Variants in SYNPO observed in about 807,000 individuals in gnomAD.
SYNPO encodes synaptopodin.
SYNPO carries 19 observed loss-of-function variants against 49.5 expected under a neutral mutation model. The ratio of observed to expected loss-of-function variants is 0.38; its 90% CI spans 0.27 to 0.56. The LOEUF (loss-of-function observed/expected upper bound fraction) is 0.56. SYNPO is among the 20% of genes least tolerant of loss of function. The probability of loss-of-function intolerance (pLI) is 0.68; values close to 1 mark genes in which losing one functional copy is unlikely to be tolerated. For missense variants in SYNPO, 1,131 were observed against 1,248.3 expected, an observed-to-expected ratio of 0.91 and a Z score of 1.42; for synonymous variants, 536 against 548.0, an observed-to-expected ratio of 0.98 and a Z score of 0.31.
chr5:150,621,372 A>T (rs1208252803), intron 2 of SYNPO, among the ~76,000 whole-genome samples: 1 of 152,166 alleles, frequency 6.6e-6, no homozygotes, highest in African/African-American at 2.4e-5. Flanking sequence ...GACTTCTTGG[A>T]GATGGAGGCA....
At chr5:150,603,276 C>T (rs1003935866) in intron 1 of SYNPO, among the ~76,000 whole-genome samples, 1 of 152,236 alleles carries the variant, frequency 6.6e-6, no homozygotes, top group African/African-American at 2.4e-5. Flanking sequence ...CCTTTCCTGC[C>T]ATTCAGCTCT....
At chr5:150,610,309 C>A (rs775970458) in intron 1 of SYNPO, among the ~76,000 whole-genome samples, 7 of 152,210 alleles carry the variant, frequency 4.6e-5, no homozygotes, top group Admixed American at 1.3e-4. Context: ...AGAGCCAGAA[C>A]AAAGGACTCT....
At position 150,649,485 on chromosome 5, in the gene SYNPO, G is replaced by A. The variant is rs746844162; in HGVS notation, c.1210G>A (p.Glu404Lys). 7.4e-6 allele frequency: 12 copies of A among 1,613,878 alleles called. No homozygotes were observed. Among genetic ancestry groups the A allele is most frequent in the Non-Finnish European group, 1.0e-5 (12 of 1,179,874 alleles). Residue 404 changes from glutamate to lysine, a missense_variant, in exon 2 of 3, where the codon GAG becomes AAG. Glu to Lys is a moderately conservative substitution (Grantham distance 56). Around this residue, in one of 4 missense-constraint regions of SYNPO, gnomAD observed 602 missense variants for 720.7 expected, o/e 0.84. Coordinates refer to ENST00000307662, the MANE Select transcript of SYNPO (RefSeq NM_007286.6). ...DLLDLVQTAD[E>K]KRRQRDQGEV... The stretch of plus-strand genomic sequence containing the variant: ...GCTGGATCTGGTACAGACAGCGGAT[G>A]AGAAGCGGCGGCAGAGGGACCAGGG...
At chr5:150,610,291 G>GCAGAGC (rs1756812319) in intron 1 of SYNPO, among the ~76,000 whole-genome samples, 2 of 152,190 alleles carry the variant, frequency 1.3e-5, no homozygotes, top group South Asian at 2.1e-4. Flanking sequence ...CACAGGCACG[G>GCAGAGC]CAGAGCCAGA....
At chr5:150,652,346 G>A in intron 2 of SYNPO, 1 of 988,746 alleles carries the variant, frequency 1.0e-6, no homozygotes, top group Non-Finnish European at 1.2e-6. Flanking sequence ...AATCCGTCTT[G>A]CTTCTTTCTT....
At chr5:150,618,649 A>G in exon 2 of SYNPO, 2 of 1,551,234 alleles carry the variant, frequency 1.3e-6, no homozygotes, top group Non-Finnish European at 1.7e-6. Flanking sequence ...CCAGAGAGGA[A>G]CAAGGGGCGT....
chr5:150,594,121 C>T, the SYNPO span, among the ~76,000 whole-genome samples: 20 of 152,164 alleles, frequency 1.3e-4, no homozygotes, highest in Non-Finnish European at 2.4e-4. Flanking sequence ...ACCCTGCCAT[C>T]CAGATGGCCA....
chr5:150,591,104 G>A, the SYNPO span, among the ~76,000 whole-genome samples: 1 of 152,294 alleles, frequency 6.6e-6, no homozygotes, highest in African/African-American at 2.4e-5. Flanking sequence ...CGGAAGGTCT[G>A]GTAGGTGGGG....
upstream of SYNPO, among the ~76,000 whole-genome samples, chr5:150,599,916 G>A (rs898227314): frequency 1.3e-5 from 2 of 152,188 alleles, no homozygotes; most frequent in Non-Finnish European, 2.9e-5. Flanking sequence ...GAGGGGAACT[G>A]AGGCCACCTC....
chr5:150,650,951 T>G (rs1758357372), intron 2 of SYNPO: 2 of 1,256,116 alleles, frequency 1.6e-6, no homozygotes, highest in Admixed American at 7.6e-5. Context: ...AGGGTCCTTC[T>G]GCTGGCTGCG....
chr5:150,631,673 C>T (rs564433119), intron 2 of SYNPO, among the ~76,000 whole-genome samples: 147 of 152,192 alleles, frequency 9.7e-4, no homozygotes, highest in African/African-American at 3.3e-3. Context: ...CCTTTCCTTT[C>T]CTCTTTCCCT....
chr5:150,634,037 C>G (rs1757627001), intron 2 of SYNPO, among the ~76,000 whole-genome samples: 1 of 152,102 alleles, frequency 6.6e-6, no homozygotes, highest in Non-Finnish European at 1.5e-5. Flanking sequence ...TGGAGTCTTA[C>G]TGTGTGAAAG....
At position 150,647,899 on chromosome 5, in the gene SYNPO, C is replaced by G. The variant is rs1295790883; in HGVS notation, c.-332-45C>G. ...CCTGTTTGTCCGTGCACCCCTGTGTCACTGCATTCCTGTTTGCTAACTGGG... is the reference window on the plus strand; with the variant it reads ...CCTGTTTGTCCGTGCACCCCTGTGTGACTGCATTCCTGTTTGCTAACTGGG... On this transcript the variant is annotated intron_variant, in intron 1 of 2. Coordinates refer to ENST00000307662, the MANE Select transcript of SYNPO (RefSeq NM_007286.6). 7 of 1,517,752 alleles carry G rather than the reference C, an allele frequency of 4.6e-6. No individual in the cohort carries two copies. In the East Asian group the frequency reaches 1.7e-4, roughly 37 times the overall value. The allele number at this position is 1,517,752 out of a possible 1,614,324, so 94.0% of individuals were successfully genotyped here. A position where few individuals can be genotyped will look rare whatever the true frequency, so the allele number is the denominator to read the frequency against.
chr5:150,588,445 C>A, the SYNPO span, among the ~76,000 whole-genome samples: 1 of 152,182 alleles, frequency 6.6e-6, no homozygotes, highest in African/African-American at 2.4e-5. Flanking sequence ...CCCCCAGAGC[C>A]AGCCTCAGGC....
At chr5:150,609,519 T>C (rs996288560) in intron 1 of SYNPO, among the ~76,000 whole-genome samples, 1 of 152,210 alleles carries the variant, frequency 6.6e-6, no homozygotes, top group Non-Finnish European at 1.5e-5. Context: ...GGTCTCGAAC[T>C]CCTGACCTCA....
rs749411406 is a variant in SYNPO, at chr5:150,648,089, C to T, written c.-187C>T. Reference sequence around the variant, plus strand: ...TCAACAGGCGCCGGCAGAGGGTGAACGAGTTCACCTTGGAGAGCCACGGCC... The same window carrying T: ...TCAACAGGCGCCGGCAGAGGGTGAATGAGTTCACCTTGGAGAGCCACGGCC... On this transcript the variant is annotated 5_prime_UTR_variant, in exon 2 of 3. The change creates a new upstream start codon in the 5' untranslated region. Coordinates refer to ENST00000307662, the MANE Select transcript of SYNPO (RefSeq NM_007286.6). The surrounding 1 kb of genome is among the most constrained non-coding windows in gnomAD (Gnocchi z 5.0). The T allele has an allele frequency of 7.7e-6, 12 of 1,551,676 alleles. No individual in the cohort carries two copies. The highest frequency in any genetic ancestry group is 2.0e-5 in the Admixed American group (1 of 50,982).
intron 1 of SYNPO, among the ~76,000 whole-genome samples, chr5:150,643,396 C>A (rs1215769566): frequency 6.6e-6 from 1 of 152,190 alleles, no homozygotes; most frequent in Non-Finnish European, 1.5e-5. Context: ...AGTGACCAAT[C>A]AATATTAGCT....
the SYNPO span, among the ~76,000 whole-genome samples, chr5:150,593,004 G>A: frequency 6.6e-6 from 1 of 152,198 alleles, no homozygotes; most frequent in African/African-American, 2.4e-5. Context: ...TTCCTGTTAT[G>A]TCTCTGTAGA....
chr5:150,588,321 C>T, the SYNPO span, among the ~76,000 whole-genome samples: 1 of 152,156 alleles, frequency 6.6e-6, no homozygotes, highest in Admixed American at 6.5e-5. Flanking sequence ...TATAAAAGGG[C>T]CCTTAGTGAG....
Sources: allele counts gnomAD v4.1 joint callset (sites outside exome capture counted in the v4.1 genomes callset), GRCh38; gene constraint gnomAD v4.1.1; regional missense constraint gnomAD v4.1.1; non-coding constraint Gnocchi (gnomAD v3.1); transcripts MANE v1.5; gene names NCBI Gene and HGNC (gene_info 2026-07-23, HGNC 2026-07-21).